The following MRPS28 variants were observed in gnomAD, a reference collection of about 807,000 sequenced individuals.
The protein encoded by MRPS28 is mitochondrial ribosomal protein S28.
Under a neutral mutation model 10.8 loss-of-function variants are expected in MRPS28, and 7 were observed. The ratio of observed to expected loss-of-function variants is 0.65; its 90% CI spans 0.37 to 1.22. The LOEUF is 1.22. MRPS28 is among the 50% of genes most tolerant of loss of function. MRPS28 has a pLI of 0.02. For synonymous variants in MRPS28, 121 were observed against 93.3 expected, an observed-to-expected ratio of 1.30 and a Z score of -1.71; for missense variants, 265 against 232.9, an observed-to-expected ratio of 1.14 and a Z score of -0.90.
chr8:80,004,683 T>A (rs1808774629), intron 1 of MRPS28, among the ~76,000 whole-genome samples: 1 of 152,048 alleles, frequency 6.6e-6, no homozygotes, highest in Admixed American at 6.5e-5. Context: ...CGATCAAACT[T>A]CTCTAAGCTA....
intron 2 of MRPS28, among the ~76,000 whole-genome samples, chr8:79,955,154 T>C (rs80220257): frequency 0.012 from 1,790 of 152,280 alleles, 46 homozygotes; most frequent in African/African-American, 0.039. Context: ...AGACCCAGTT[T>C]TCCTGACTGC....
chr8:79,997,504 T>A (rs962506597), intron 2 of MRPS28, among the ~76,000 whole-genome samples: 2 of 152,094 alleles, frequency 1.3e-5, no homozygotes, highest in African/African-American at 4.8e-5. Context: ...ACCTTTCACG[T>A]TTTTATAATT....
intron 2 of MRPS28, among the ~76,000 whole-genome samples, chr8:79,945,886 T>G (rs1806902038): frequency 6.6e-6 from 1 of 152,188 alleles, no homozygotes; most frequent in South Asian, 2.1e-4. Flanking sequence ...ATTTAATATG[T>G]GCCAAATACT....
chr8:79,983,388 C>T (rs1390594444), intron 2 of MRPS28, among the ~76,000 whole-genome samples: 2 of 152,200 alleles, frequency 1.3e-5, no homozygotes, highest in African/African-American at 4.8e-5. Flanking sequence ...CAAAGGAACG[C>T]AGCTCCTCAC....
At chr8:80,026,504 C>G (rs546452470) in intron 1 of MRPS28, among the ~76,000 whole-genome samples, 66 of 152,294 alleles carry the variant, frequency 4.3e-4, no homozygotes, top group Non-Finnish European at 8.8e-4. Context: ...TTCAAATATG[C>G]ACTACATGTA....
intron 1 of MRPS28, among the ~76,000 whole-genome samples, chr8:80,003,403 C>T (rs1421740061): frequency 2.0e-5 from 3 of 152,172 alleles, no homozygotes; most frequent in African/African-American, 7.2e-5. Context: ...CAGTGGCTCA[C>T]GCCTGTTATC....
intron 2 of MRPS28, among the ~76,000 whole-genome samples, chr8:79,959,353 A>T (rs1807311038): frequency 6.6e-6 from 1 of 152,142 alleles, no homozygotes; most frequent in East Asian, 1.9e-4. Flanking sequence ...TGTTATTCCC[A>T]GGGAGGTATT....
chr8:79,990,372 TC>T (rs1268565285), intron 2 of MRPS28, among the ~76,000 whole-genome samples: 1 of 152,118 alleles, frequency 6.6e-6, no homozygotes, highest in Non-Finnish European at 1.5e-5. Flanking sequence ...TCCACTCTAG[TC>T]CAGCCTCTAA....
At chr8:79,930,000 C>T (rs2129888726) in intron 2 of MRPS28, among the ~76,000 whole-genome samples, 1 of 152,288 alleles carries the variant, frequency 6.6e-6, no homozygotes, top group Non-Finnish European at 1.5e-5. Flanking sequence ...ATCTGATTAT[C>T]TTTCAGTCTA....
chr8:79,981,051 G>A (rs1479370958), intron 2 of MRPS28, among the ~76,000 whole-genome samples: 2 of 152,170 alleles, frequency 1.3e-5, no homozygotes, highest in Admixed American at 6.5e-5. Flanking sequence ...ATGCTGGGTC[G>A]GGCGCAGTGG....
At chr8:79,922,859 A>G (rs1810130951) in intron 2 of MRPS28, among the ~76,000 whole-genome samples, 1 of 151,982 alleles carries the variant, frequency 6.6e-6, no homozygotes, top group Non-Finnish European at 1.5e-5. Flanking sequence ...TTTTAAAATT[A>G]AAATAACTTT....
At chr8:80,009,844 T>C (rs1808983284) in intron 1 of MRPS28, among the ~76,000 whole-genome samples, 2 of 152,028 alleles carry the variant, frequency 1.3e-5, no homozygotes, top group African/African-American at 4.8e-5. Flanking sequence ...ACTGACCATC[T>C]GTAAAAAAAT....
At chr8:79,991,380 A>G (rs1328185264) in intron 2 of MRPS28, among the ~76,000 whole-genome samples, 1 of 152,156 alleles carries the variant, frequency 6.6e-6, no homozygotes, top group African/African-American at 2.4e-5. Context: ...ATGGACTTTT[A>G]AAGCCAAAGC....
intron 2 of MRPS28, among the ~76,000 whole-genome samples, chr8:79,981,408 G>A (rs1003158140): frequency 2.0e-5 from 3 of 152,138 alleles, no homozygotes; most frequent in Admixed American, 6.6e-5. Context: ...AATAAATTAC[G>A]TTCAGGAAAC....
rs940692431 is a variant in MRPS28 at position 80,030,240 on chromosome 8, C to A, written c.9G>T (p.Ala3=). The part of the protein sequence containing the change: MA[A]LCRTRAVAAE... ...CAGCCACAGCACGGGTCCGACACAG[C>A]GCCGCCATGACTTCTTTACCTCTGA... The change falls in exon 1 of 3, where the codon GCG becomes GCT. Residue 3 remains alanine (A), a synonymous_variant. Coordinates refer to ENST00000276585, the MANE Select transcript of MRPS28 (RefSeq NM_014018.3). The A allele has an allele frequency of 1.2e-6, 2 of 1,614,108 alleles. No homozygotes were observed. Among genetic ancestry groups the A allele is most frequent in the East Asian group, 2.2e-5 (1 of 44,882 alleles).
intron 2 of MRPS28, among the ~76,000 whole-genome samples, chr8:79,919,831 G>A (rs1448694194): frequency 6.6e-6 from 1 of 152,024 alleles, no homozygotes; most frequent in Non-Finnish European, 1.5e-5. Context: ...AAGTTTTAGG[G>A]TACATGTGCA....
At chr8:79,932,327 G>A (rs1806484349) in intron 2 of MRPS28, among the ~76,000 whole-genome samples, 1 of 152,206 alleles carries the variant, frequency 6.6e-6, no homozygotes, top group Non-Finnish European at 1.5e-5. Flanking sequence ...ACTGGGTGGT[G>A]AAGGAAGGCA....
At chr8:79,988,463 A>C (rs1162226918) in intron 2 of MRPS28, among the ~76,000 whole-genome samples, 2 of 151,244 alleles carry the variant, frequency 1.3e-5, no homozygotes, top group African/African-American at 4.8e-5. Flanking sequence ...AAATTAAAAA[A>C]AGAAAGAAAC....
chr8:79,988,219 C>G (rs1586080014), intron 2 of MRPS28, among the ~76,000 whole-genome samples: 1 of 134,372 alleles, frequency 7.4e-6, no homozygotes, highest in South Asian at 2.3e-4. Context: ...GGGAATTGAA[C>G]AATGAGAACA....
Sources: gnomAD v4.1 joint callset for allele counts (sites outside exome capture counted in the v4.1 genomes callset) on GRCh38, gnomAD v4.1.1 for gene constraint, MANE v1.5 for transcripts, NCBI Gene and HGNC (gene_info 2026-07-23, HGNC 2026-07-21) for gene names.